STON2: variants seen among roughly 807,000 people sequenced by gnomAD.
STON2 encodes stonin-2.
A neutral mutation model predicts 65.7 loss-of-function variants in STON2; 29 were observed. The ratio of observed to expected loss-of-function variants is 0.44; its 90% CI spans 0.33 to 0.60. STON2 has a LOEUF of 0.60. Ranked by LOEUF, STON2 falls within the 20% of genes least tolerant of loss-of-function variation. The probability of loss-of-function intolerance (pLI) is 0.03; values close to 1 mark genes in which losing one functional copy is unlikely to be tolerated. For synonymous variants in STON2, 404 were observed against 414.2 expected (o/e 0.98, Z 0.30); for missense variants, 1,054 against 1,118.1 (o/e 0.94, Z 0.82).
intron 5 of STON2, among the ~76,000 whole-genome samples, chr14:81,319,371 A>G (rs1270718805): frequency 6.6e-6 from 1 of 152,066 alleles, no homozygotes; most frequent in African/African-American, 2.4e-5. Flanking sequence ...TTACATTCCC[A>G]GTGTCCAGGA....
At chr14:81,333,024 C>T (rs146214557) in intron 4 of STON2, 2 of 583,984 alleles carry the variant, frequency 3.4e-6, no homozygotes, top group African/African-American at 3.8e-5. Context: ...TCATTCTGTT[C>T]TTGTGTCCCT....
chr14:81,270,835 T>A lies in STON2; in HGVS notation c.2619A>T (p.Glu873Asp). 1 of 1,613,348 alleles carries A rather than the reference T, an allele frequency of 6.2e-7. No homozygotes were observed. The highest frequency in any genetic ancestry group is 1.3e-5 in the African/African-American group (1 of 74,888). The change falls in exon 7 of 8, where the codon GAA becomes GAT. Residue 873 changes from glutamate (E) to aspartate (D), a missense_variant. Coordinates refer to ENST00000614646, the MANE Select transcript of STON2 (RefSeq NM_001394390.1). ...GHPHCFFCHL[E>D]LGSDREVPSR... ...AAGGCACTTCCCGGTCAGAGCCGAG[T>A]TCAAGGTGGCAAAAGAAACAGTGTG...
In STON2 at chr14:81,396,024, T is replaced by C; in HGVS notation, c.243A>G (p.Ala81=). The C allele has an allele frequency of 1.9e-6, 3 of 1,614,186 alleles. No homozygotes were observed. Among genetic ancestry groups the C allele is most frequent in the Non-Finnish European group, 2.5e-6 (3 of 1,180,034 alleles). ...GCTCAGGGCTCCCAGGTGGGGAAGC[T>C]GCTTCAGAGATGAGGCCCATCTTTT... ...SSEKMGLISE[A]ASPPGSPEQP... is the part of the protein sequence containing the mutation. The change falls in exon 3 of 8, where the codon GCA becomes GCG. Residue 81 remains alanine (A), a synonymous_variant. Transcript: ENST00000614646.
intron 2 of STON2, among the ~76,000 whole-genome samples, chr14:81,419,503 G>C (rs1415093962): frequency 6.6e-6 from 1 of 152,180 alleles, no homozygotes; most frequent in African/African-American, 2.4e-5. Flanking sequence ...CTAGTTCACA[G>C]GTTCTAAATG....
At position 81,270,772 on chromosome 14, in the gene STON2, C is replaced by T. The variant is rs770297407; in HGVS notation, c.2682G>A (p.Met894Ile). Reference sequence around the variant, plus strand: ...TGGCTTTGGAGGCAGAAGTTGTGGGCATGCTGAACTCGACATTCACGTGAT... The same window carrying T: ...TGGCTTTGGAGGCAGAAGTTGTGGGTATGCTGAACTCGACATTCACGTGAT... ...FANHVNVEFSMPTTSASKASV... is the reference protein window; with the variant it reads ...FANHVNVEFSIPTTSASKASV... Residue 894 changes from methionine (M) to isoleucine (I), a missense_variant, in exon 7 of 8, where the codon ATG (methionine) becomes ATA (isoleucine). Physicochemically the swap from Met to Ile is conservative, Grantham distance 10. Transcript: ENST00000614646. The T allele has an allele frequency of 3.7e-6, 6 of 1,614,040 alleles. No homozygotes were observed. In the Admixed American group the frequency reaches 1.0e-4, roughly 27 times the overall value.
intron 5 of STON2, among the ~76,000 whole-genome samples, chr14:81,322,171 T>C (rs767245238): frequency 9.4e-4 from 143 of 151,988 alleles, no homozygotes; most frequent in Non-Finnish European, 1.5e-3. Flanking sequence ...TGGAGGAAAT[T>C]TGCCAACACT....
At chr14:81,380,516 T>G (rs1045269083) in intron 3 of STON2, among the ~76,000 whole-genome samples, 1 of 152,156 alleles carries the variant, frequency 6.6e-6, no homozygotes. Context: ...TAACAACACA[T>G]GCACACATAT....
chr14:81,434,523 G>T (rs537439639), intron 1 of STON2, among the ~76,000 whole-genome samples: 1 of 152,122 alleles, frequency 6.6e-6, no homozygotes, highest in Non-Finnish European at 1.5e-5. Context: ...TCATTCTAAG[G>T]CTCCTGGCAA....
Position 81,267,601 on chromosome 14 carries a change from T to C in STON2, c.*813A>G. The C allele has an allele frequency of 1.0e-6, 1 of 985,378 alleles. No individual in the cohort carries two copies. Among genetic ancestry groups the C allele is most frequent in the Non-Finnish European group, 1.2e-6 (1 of 829,894 alleles). The allele number at this position is 985,378 out of a possible 1,614,324, so 61.0% of individuals were successfully genotyped here. On this transcript the variant is annotated 3_prime_UTR_variant, in exon 8 of 8. Coordinates refer to ENST00000614646, the MANE Select transcript of STON2 (RefSeq NM_001394390.1). ...AATTTGGGAATTCACTGAGATTGAATCTACCTCTTGAACTGAACATCATCT... is the reference window on the plus strand; with the variant it reads ...AATTTGGGAATTCACTGAGATTGAACCTACCTCTTGAACTGAACATCATCT...
chr14:81,341,281 T>C (rs1211595950), intron 4 of STON2, among the ~76,000 whole-genome samples: 1 of 152,142 alleles, frequency 6.6e-6, no homozygotes, highest in East Asian at 1.9e-4. Context: ...TCCCTTCTAT[T>C]TGATAGGCCT....
At chr14:81,353,156 A>T (rs563400691) in intron 4 of STON2, among the ~76,000 whole-genome samples, 1 of 152,342 alleles carries the variant, frequency 6.6e-6, no homozygotes, top group African/African-American at 2.4e-5. Flanking sequence ...AATTCAAATA[A>T]GAACAGGAAA....
At chr14:81,420,417 C>CCATT (rs754977577) in intron 2 of STON2, among the ~76,000 whole-genome samples, 26 of 152,260 alleles carry the variant, frequency 1.7e-4, no homozygotes, top group South Asian at 6.2e-4. Context: ...AGAACATCGC[C>CCATT]CATTCATTCA....
At chr14:81,372,577 G>GAAC (rs60872072) in intron 3 of STON2, among the ~76,000 whole-genome samples, 43,178 of 145,958 alleles carry the variant, frequency 0.3, 6,598 homozygotes, top group South Asian at 0.38. Context: ...AGAAGAAGAA[G>GAAC]AATCATATCA....
At chr14:81,386,719 T>C (rs766372206) in intron 3 of STON2, among the ~76,000 whole-genome samples, 3 of 152,220 alleles carry the variant, frequency 2.0e-5, no homozygotes, top group East Asian at 1.9e-4. Context: ...AAAATTACCA[T>C]GTCCCTGGAG....
At position 81,368,633 on chromosome 14, in the gene STON2, G is replaced by C. The variant is rs531374045; in HGVS notation, c.571+2355C>G. 6.8e-4 allele frequency among the ~76,000 whole-genome samples: 103 copies of C among 152,254 alleles called. 1 individual carries two copies. Among genetic ancestry groups the C allele is most frequent in the Admixed American group, 2.3e-3 (35 of 15,290 alleles). ...GGAGGCTGAGGCAGGAAAACTACTT[G>C]AGCCTGGGAGACAGAGGTTGCAGTG... is the stretch of plus-strand genomic sequence containing the variant. On this transcript the variant is annotated intron_variant, in intron 4 of 7. Transcript: ENST00000614646.
chr14:81,302,820 G>A (rs574576813), intron 5 of STON2, among the ~76,000 whole-genome samples: 22 of 152,302 alleles, frequency 1.4e-4, no homozygotes, highest in Middle Eastern at 3.4e-3. Flanking sequence ...ATGGGATAAC[G>A]ATGCCCTGCA....
intron 5 of STON2, among the ~76,000 whole-genome samples, chr14:81,313,996 G>T (rs538150673): frequency 1.3e-5 from 2 of 152,316 alleles, no homozygotes; most frequent in East Asian, 3.9e-4. Context: ...GTGATGTGGT[G>T]TGTGACTAAG....
chr14:81,308,780 C>CTATATATATATA (rs1566901042), intron 5 of STON2, among the ~76,000 whole-genome samples: 1 of 1,918 alleles, frequency 5.2e-4, no homozygotes, highest in African/African-American at 2.0e-3. Flanking sequence ...ATGGTTTTAC[C>CTATATATATATA]CATATATATA....
chr14:81,400,248 G>A (rs1240423277), intron 1 of STON2, among the ~76,000 whole-genome samples, 31 bp downstream of exon 1: 1 of 152,074 alleles, frequency 6.6e-6, no homozygotes, highest in Non-Finnish European at 1.5e-5. Flanking sequence ...AAACAGCCTG[G>A]AGAGAGCAGG....
Sources: gnomAD v4.1 joint callset for allele counts (sites outside exome capture counted in the v4.1 genomes callset) on GRCh38, gnomAD v4.1.1 for gene constraint, MANE v1.5 for transcripts, NCBI Gene and HGNC (gene_info 2026-07-23, HGNC 2026-07-21) for gene names.